Variants in EPHA6 observed in about 807,000 individuals in gnomAD.
EPHA6 encodes the protein EPH receptor A6, also known as ephrin type-A receptor 6.
EPHA6 carries 50 observed loss-of-function variants against 112.0 expected under a neutral mutation model. The ratio of observed to expected loss-of-function variants is 0.45; its 90% CI spans 0.36 to 0.56. The LOEUF is 0.56. Among genes scored for constraint, EPHA6 ranks in the 20% least tolerant of loss-of-function variants. The probability of loss-of-function intolerance (pLI) is 0.00; values close to 1 mark genes in which losing one functional copy is unlikely to be tolerated. For synonymous variants in EPHA6, 529 were observed against 490.7 expected (o/e 1.08, Z -1.03); for missense variants, 1,280 against 1,417.4 (o/e 0.90, Z 1.56).
chr3:97,432,873 C>G (rs1275619054), intron 6 of EPHA6, among the ~76,000 whole-genome samples: 2 of 152,140 alleles, frequency 1.3e-5, no homozygotes. Flanking sequence ...ATGACCCAAT[C>G]ACCTCCCACT....
chr3:97,274,921 A>T (rs1238349833), intron 5 of EPHA6, among the ~76,000 whole-genome samples: 1 of 152,176 alleles, frequency 6.6e-6, no homozygotes, highest in Non-Finnish European at 1.5e-5. Context: ...AGTATAGCTG[A>T]AGGAGCCGGG....
At chr3:97,320,595 T>A (rs1315791188) in intron 5 of EPHA6, among the ~76,000 whole-genome samples, 1 of 151,866 alleles carries the variant, frequency 6.6e-6, no homozygotes, top group Non-Finnish European at 1.5e-5. Context: ...CCAAATCATG[T>A]TTTAGACTGC....
intron 10 of EPHA6, among the ~76,000 whole-genome samples, chr3:97,493,254 ATG>A (rs1200395174): frequency 1.1e-4 from 16 of 150,570 alleles, no homozygotes; most frequent in Non-Finnish European, 2.4e-4. Context: ...TTGTGTTTGT[ATG>A]TGTGTGTGTG....
chr3:97,741,421 G>A (rs1253115807), intron 16 of EPHA6, among the ~76,000 whole-genome samples: 6 of 151,962 alleles, frequency 3.9e-5, no homozygotes, highest in African/African-American at 1.2e-4. Context: ...ATAATATAAT[G>A]TCAATATCCA....
chr3:97,610,755 T>G, intron 12 of EPHA6, 38 bp from the exon 13 acceptor site: 1 of 1,535,132 alleles, frequency 6.5e-7, no homozygotes, highest in Non-Finnish European at 9.0e-7. Context: ...ATTTCTGTAA[T>G]TGCTCTAATC....
At chr3:97,315,071 G>A (rs963571399) in intron 5 of EPHA6, among the ~76,000 whole-genome samples, 5 of 150,630 alleles carry the variant, frequency 3.3e-5, no homozygotes, top group South Asian at 2.1e-4. Flanking sequence ...CAGCCTGGCT[G>A]TATTTTAAGA....
At chr3:97,610,936 C>T in intron 13 of EPHA6, 82 bp downstream of exon 13, 4 of 1,184,120 alleles carry the variant, frequency 3.4e-6, no homozygotes, top group Non-Finnish European at 3.7e-6. Context: ...TTAATTTTTG[C>T]ATAATGTTAT....
At chr3:96,897,779 A>G (rs1450014707) in intron 2 of EPHA6, among the ~76,000 whole-genome samples, 1 of 152,186 alleles carries the variant, frequency 6.6e-6, no homozygotes, top group Non-Finnish European at 1.5e-5. Flanking sequence ...AATTCTAAAT[A>G]TCTGTGAGTA....
chr3:97,024,675 A>G (rs1349506225), intron 3 of EPHA6, among the ~76,000 whole-genome samples: 1 of 152,190 alleles, frequency 6.6e-6, no homozygotes, highest in South Asian at 2.1e-4. Context: ...CACACTTTCT[A>G]TGAGCCAAGT....
In EPHA6 at chr3:96,814,814, A is replaced by G. The variant is rs1396106493; in HGVS notation, c.191A>G (p.Asp64Gly). 6.3e-7 allele frequency: 1 copy of G among 1,597,210 alleles called. No homozygotes were observed. Among genetic ancestry groups the G allele is most frequent in the Non-Finnish European group, 8.5e-7 (1 of 1,171,110 alleles). ...VEEEEEEEEEDVDKDPHPTQN... is the reference protein window; with the variant it reads ...VEEEEEEEEEGVDKDPHPTQN... ...GAGGAAGAGGAGGAGGAGGAAGAAG[A>G]CGTGGACAAGGACCCCCATCCTACC... is the stretch of plus-strand genomic sequence containing the variant. Residue 64 changes from aspartate (D) to glycine (G), a missense_variant, in exon 1 of 18, where the codon GAC (aspartate) becomes GGC (glycine). Around this residue, in one of 4 missense-constraint regions of EPHA6, gnomAD observed 220 missense variants for 171.5 expected, o/e 1.28. Coordinates refer to ENST00000389672, the MANE Select transcript of EPHA6 (RefSeq NM_001080448.3).
intron 5 of EPHA6, among the ~76,000 whole-genome samples, chr3:97,324,960 T>C (rs1294815757): frequency 6.6e-6 from 1 of 152,116 alleles, no homozygotes; most frequent in Non-Finnish European, 1.5e-5. Context: ...AGTTTTAACA[T>C]TCCAGTGTTT....
At chr3:96,922,199 G>T (rs1455513921) in intron 2 of EPHA6, among the ~76,000 whole-genome samples, 1 of 152,184 alleles carries the variant, frequency 6.6e-6, no homozygotes, top group Non-Finnish European at 1.5e-5. Context: ...TGGTTAGCCA[G>T]ATGGTTCCAG....
At chr3:97,316,520 C>T (rs1163129531) in intron 5 of EPHA6, among the ~76,000 whole-genome samples, 2 of 151,788 alleles carry the variant, frequency 1.3e-5, no homozygotes, top group African/African-American at 2.4e-5. Context: ...TTCTGATGAT[C>T]CCCTTAAGAG....
At chr3:97,187,464 G>A (rs2077170920) in intron 3 of EPHA6, among the ~76,000 whole-genome samples, 1 of 151,870 alleles carries the variant, frequency 6.6e-6, no homozygotes, top group Non-Finnish European at 1.5e-5. Context: ...CAGCTACTTA[G>A]GAGGCTGAGG....
chr3:96,862,103 G>C (rs1415231052), intron 1 of EPHA6, among the ~76,000 whole-genome samples: 1 of 151,944 alleles, frequency 6.6e-6, no homozygotes, highest in African/African-American at 2.4e-5. Context: ...CATTTAAACA[G>C]TATTATATTT....
intron 2 of EPHA6, among the ~76,000 whole-genome samples, chr3:96,938,169 A>T (rs1172537488): frequency 6.6e-6 from 1 of 151,954 alleles, no homozygotes; most frequent in Admixed American, 6.6e-5. Context: ...CTTGATGGGG[A>T]TGGCATTGAA....
intron 3 of EPHA6, among the ~76,000 whole-genome samples, chr3:97,013,010 G>A (rs1341839717): frequency 6.6e-6 from 1 of 151,980 alleles, no homozygotes; most frequent in Non-Finnish European, 1.5e-5. Flanking sequence ...TTTTTCAGAT[G>A]CATAGTTTGC....
At chr3:97,460,605 A>G (rs1482104567) in intron 7 of EPHA6, among the ~76,000 whole-genome samples, 1 of 152,184 alleles carries the variant, frequency 6.6e-6, no homozygotes, top group Non-Finnish European at 1.5e-5. Flanking sequence ...CTGAAAGCTC[A>G]TAGTTGAAGG....
At chr3:97,142,383 A>G (rs1229298108) in intron 3 of EPHA6, among the ~76,000 whole-genome samples, 1 of 151,980 alleles carries the variant, frequency 6.6e-6, no homozygotes, top group Non-Finnish European at 1.5e-5. Context: ...TTAATGAAAT[A>G]AAAGGTTGGC....
Sources: allele counts gnomAD v4.1 joint callset (sites outside exome capture counted in the v4.1 genomes callset), GRCh38; gene constraint gnomAD v4.1.1; regional missense constraint gnomAD v4.1.1; transcripts MANE v1.5; gene names NCBI Gene and HGNC (gene_info 2026-07-23, HGNC 2026-07-21).